TANC2: variants seen among roughly 807,000 people sequenced by gnomAD.
TANC2 encodes the protein tetratricopeptide repeat, ankyrin repeat and coiled-coil containing 2, also known as protein TANC2.
Under a neutral mutation model 210.5 loss-of-function variants are expected in TANC2, and 26 were observed. That is an observed-to-expected ratio of 0.12 (90% confidence interval 0.09 to 0.17). The LOEUF (loss-of-function observed/expected upper bound fraction) is 0.17, where lower values mean the gene tolerates loss of function less well. Ranked by LOEUF, TANC2 falls within the 10% of genes least tolerant of loss-of-function variation. The pLI is 1.00. For missense variants in TANC2, 2,129 were observed against 2,608.9 expected (o/e 0.82, Z 4.01); for synonymous variants, 931 against 967.1 (o/e 0.96, Z 0.69).
intron 1 of TANC2, among the ~76,000 whole-genome samples, chr17:63,007,060 T>TA (rs146817612): frequency 0.25 from 37,154 of 149,088 alleles, 4,965 homozygotes; most frequent in African/African-American, 0.35. Flanking sequence ...ACCCCATCTT[T>TA]AAAAAAAAAA....
chr17:63,303,427 C>A (rs1212631273), intron 9 of TANC2, among the ~76,000 whole-genome samples: 1 of 152,224 alleles, frequency 6.6e-6, no homozygotes, highest in African/African-American at 2.4e-5. Flanking sequence ...TTGGCCCCCA[C>A]TGTCTTCTGG....
chr17:63,253,003 G>A (rs2043095182), intron 8 of TANC2, among the ~76,000 whole-genome samples: 2 of 152,150 alleles, frequency 1.3e-5, no homozygotes, highest in African/African-American at 4.8e-5. Flanking sequence ...GGATCATATA[G>A]TAGTACTATT....
chr17:63,113,709 A>G (rs1213490480), intron 4 of TANC2, among the ~76,000 whole-genome samples: 6 of 152,038 alleles, frequency 3.9e-5, no homozygotes, highest in Admixed American at 2.6e-4. Context: ...GGGTCTTGCT[A>G]TGTTGCCCAG....
At chr17:63,004,810 T>C in intron 1 of TANC2, 1 of 344,390 alleles carries the variant, frequency 2.9e-6, no homozygotes, top group Non-Finnish European at 5.6e-6. Flanking sequence ...GGTACCTTCT[T>C]TCCTTTCTTT....
chr17:63,018,363 C>A (rs1024059711), intron 2 of TANC2, among the ~76,000 whole-genome samples: 1 of 151,768 alleles, frequency 6.6e-6, no homozygotes, highest in South Asian at 2.1e-4. Context: ...CGCCTGTAAT[C>A]CCAGCTCCTC....
intron 12 of TANC2, among the ~76,000 whole-genome samples, chr17:63,351,027 A>G (rs1305080443): frequency 6.6e-6 from 1 of 152,124 alleles, no homozygotes; most frequent in Non-Finnish European, 1.5e-5. Flanking sequence ...TGATATATAT[A>G]CTCATATGTG....
At chr17:63,059,800 C>G (rs2035931082) in intron 2 of TANC2, among the ~76,000 whole-genome samples, 1 of 152,026 alleles carries the variant, frequency 6.6e-6, no homozygotes, top group African/African-American at 2.4e-5. Context: ...AGTTTCCTTA[C>G]TATTGGGGAT....
In TANC2 at chr17:63,098,515, G is replaced by GTGTA. The variant is rs1555571195; in HGVS notation, c.140-659_140-658insGTAT. On this transcript the variant is annotated intron_variant, in intron 3 of 27. Transcript: ENST00000689528. The stretch of plus-strand genomic sequence containing the variant: ...TCTCTCTCTCTCTCTCTCTCTGTGT[G>GTGTA]TATATATATATATATATATGTAAAA... 4.7e-3 allele frequency among the ~76,000 whole-genome samples: 596 copies of GTGTA among 126,726 alleles called. 12 individuals carry two copies. Among genetic ancestry groups the GTGTA allele is most frequent in the African/African-American group, 0.014 (475 of 34,900 alleles). The allele number at this position is 126,726 out of a possible 152,430, so 83.1% of individuals were successfully genotyped here. A position where few individuals can be genotyped will look rare whatever the true frequency, so the allele number is the denominator to read the frequency against.
At chr17:63,388,608 A>G (rs762489233) in intron 15 of TANC2, 27 bp from the exon 16 acceptor site, 2 of 1,583,520 alleles carry the variant, frequency 1.3e-6, no homozygotes, top group Admixed American at 1.8e-5. Context: ...TGGGCTACTA[A>G]TTTAATTGTC....
At chr17:63,001,514 GTTTTTCTTTTCTTTTCTTTTTTT>G (rs981717889) in intron 1 of TANC2, among the ~76,000 whole-genome samples, 1 of 143,104 alleles carries the variant, frequency 7.0e-6, no homozygotes, top group African/African-American at 2.6e-5. Context: ...TTTCCTTTTC[GTTTTTCTTTTCTTTTCTTTTTTT>G]TTTTTCTTTT....
intron 7 of TANC2, among the ~76,000 whole-genome samples, chr17:63,205,372 A>AAAACC (rs1472135033): frequency 1.5e-5 from 2 of 131,806 alleles, no homozygotes; most frequent in African/African-American, 3.1e-5. Context: ...AAAAAAAAAA[A>AAAACC]CCTCATACAC....
At position 63,350,123 on chromosome 17, in the gene TANC2, T is replaced by C. The variant is rs149261009; in HGVS notation, c.1808-1127T>C. Among the ~76,000 whole-genome samples the C allele has an allele frequency of 2.3e-3, 344 of 152,310 alleles. 4 individuals carry two copies. The East Asian group carries it at 0.055, about 24-fold the overall frequency. On this transcript the variant is annotated intron_variant, in intron 12 of 27. Coordinates refer to ENST00000689528, the Ensembl canonical transcript of TANC2. ...TAATCATTGCAAAAGATCTGTATAT[T>C]TTCAAATATGGAAACAAAATAGTAT...
Position 62,987,218 on chromosome 17 carries a change from C to A in TANC2, c.-24+20469C>A, listed in dbSNP as rs538312770. 1.6e-4 allele frequency among the ~76,000 whole-genome samples: 24 copies of A among 152,242 alleles called. No individual in the cohort carries two copies. The South Asian group carries it at 5.0e-3, about 32-fold the overall frequency. On this transcript the variant is annotated intron_variant, in intron 1 of 27. Coordinates refer to ENST00000689528, the Ensembl canonical transcript of TANC2. The stretch of plus-strand genomic sequence containing the variant: ...TCTTTGCTGTGCAGGACCAGAGTCA[C>A]AGCTATTCCTGGGCCCCGACTTTGT...
intron 2 of TANC2, among the ~76,000 whole-genome samples, chr17:63,064,310 A>T (rs79638264): frequency 1.3e-5 from 2 of 152,092 alleles, no homozygotes; most frequent in African/African-American, 4.8e-5. Flanking sequence ...TACAAAAAAA[A>T]GTTAGCCAGC....
intron 1 of TANC2, chr17:63,004,592 T>TAA (rs60120400): frequency 6.5e-4 from 100 of 153,246 alleles, no homozygotes; most frequent in South Asian, 3.2e-3. Context: ...AGCATAGCTT[T>TAA]AAAAAAAAAA....
chr17:63,321,928 T>TCC (rs1196170007), intron 11 of TANC2, among the ~76,000 whole-genome samples: 1 of 152,190 alleles, frequency 6.6e-6, no homozygotes, highest in Non-Finnish European at 1.5e-5. Context: ...ACCCTTCTCT[T>TCC]CCACAGTACC....
chr17:63,102,678 A>G (rs1205189811), intron 4 of TANC2, among the ~76,000 whole-genome samples: 1 of 146,878 alleles, frequency 6.8e-6, no homozygotes, highest in Non-Finnish European at 1.5e-5. Context: ...CCAGGATTGT[A>G]CGATTTTAAA....
At chr17:63,138,605 T>C (rs1225470673) in intron 4 of TANC2, among the ~76,000 whole-genome samples, 2 of 152,148 alleles carry the variant, frequency 1.3e-5, no homozygotes, top group South Asian at 2.1e-4. Flanking sequence ...TCCTCTGAAA[T>C]GAAATACGTC....
intron 3 of TANC2, among the ~76,000 whole-genome samples, chr17:63,097,577 CAAA>C (rs200326011): frequency 2.6e-4 from 32 of 122,108 alleles, no homozygotes; most frequent in Non-Finnish European, 4.1e-4. Context: ...TAAAAAATTG[CAAA>C]AAAAAAAAAA....
Sources: gnomAD v4.1 joint callset for allele counts (sites outside exome capture counted in the v4.1 genomes callset) on GRCh38, gnomAD v4.1.1 for gene constraint, MANE v1.5 for transcripts, NCBI Gene and HGNC (gene_info 2026-07-23, HGNC 2026-07-21) for gene names.